The following RIMBP2 variants were observed in gnomAD, a reference collection of about 807,000 sequenced individuals.
RIMBP2 encodes the protein RIMS binding protein 2, also known as RIMS-binding protein 2.
Under a neutral mutation model 118.6 loss-of-function variants are expected in RIMBP2, and 48 were observed. The ratio of observed to expected loss-of-function variants is 0.40; its 90% CI spans 0.32 to 0.51. The LOEUF (loss-of-function observed/expected upper bound fraction) is 0.51, where lower values mean the gene tolerates loss of function less well. Ranked by LOEUF, RIMBP2 falls within the 20% of genes least tolerant of loss-of-function variation. The pLI is 0.41. For synonymous variants in RIMBP2, 762 were observed against 742.9 expected (o/e 1.03, Z -0.42); for missense variants, 1,551 against 1,768.3 (o/e 0.88, Z 2.20).
intron 1 of RIMBP2, among the ~76,000 whole-genome samples, chr12:130,686,074 C>T (rs1280429699): frequency 6.6e-6 from 1 of 152,182 alleles, no homozygotes. Flanking sequence ...CACCGCCCGG[C>T]ACCTGCTCTT....
At position 130,414,268 on chromosome 12, in the gene RIMBP2, C is replaced by T; in HGVS notation, c.3277G>A (p.Glu1093Lys). Residue 1093 changes from glutamate to lysine, a missense_variant, in exon 18 of 23, where the codon GAA (glutamate) becomes AAA (lysine). Glu to Lys is a moderately conservative substitution (Grantham distance 56). Around this residue, in one of 5 missense-constraint regions of RIMBP2, gnomAD observed 1,038 missense variants for 1,125.1 expected, o/e 0.92. Coordinates refer to ENST00000690449, the MANE Select transcript of RIMBP2 (RefSeq NM_001393629.1). ...GCACCAGGGTCAGTTTCTGACTCTT[C>T]ATAGAAGTCTGGAGAAAGGCGGTCT... Reference protein sequence around the residue: ...GRDRLSPDFYEESETDPGAEE... With the variant: ...GRDRLSPDFYKESETDPGAEE... 6.2e-7 allele frequency: 1 copy of T among 1,609,688 alleles called. No homozygotes were observed. The highest frequency in any genetic ancestry group is 8.5e-7 in the Non-Finnish European group (1 of 1,177,272).
At chr12:130,518,073 C>CT (rs144542531) in intron 2 of RIMBP2, among the ~76,000 whole-genome samples, 156 bp from the exon 3 acceptor site, 4 of 152,194 alleles carry the variant, frequency 2.6e-5, no homozygotes, top group Non-Finnish European at 5.9e-5. Flanking sequence ...TGATTTCTCT[C>CT]TTTTTTCCAA....
chr12:130,546,023 G>A (rs1000077564), intron 2 of RIMBP2, among the ~76,000 whole-genome samples: 5 of 151,614 alleles, frequency 3.3e-5, no homozygotes, highest in South Asian at 2.1e-4. Context: ...GGGTTTTAGC[G>A]TGACATATGC....
At chr12:130,554,701 G>A (rs1484840145) in intron 2 of RIMBP2, among the ~76,000 whole-genome samples, 3 of 152,172 alleles carry the variant, frequency 2.0e-5, no homozygotes, top group Admixed American at 6.5e-5. Flanking sequence ...TGCAGTGGGT[G>A]TCATCATTAT....
Position 130,442,176 on chromosome 12 carries a change from G to T in RIMBP2, c.1176C>A (p.Gly392=). ...GCGTGCACTGCAGCTCATCCGAGCT[G>T]CCCCTGCTGGTGACGCACTGCACGG... ...RISVQCVTSR[G]SSDELQCTLL... is the part of the protein sequence containing the mutation. The change falls in exon 11 of 23, where the codon GGC becomes GGA. Residue 392 remains glycine (G), a synonymous_variant. Coordinates refer to ENST00000690449, the MANE Select transcript of RIMBP2 (RefSeq NM_001393629.1). This position sits in a 1 kb window ranked among gnomAD's most constrained non-coding sequence, Gnocchi z 6.9. 6.2e-7 allele frequency: 1 copy of T among 1,614,186 alleles called. No individual in the cohort carries two copies. Among genetic ancestry groups the T allele is most frequent in the South Asian group, 1.1e-5 (1 of 91,082 alleles).
At chr12:130,490,007 C>T (rs1243212907) in intron 4 of RIMBP2, among the ~76,000 whole-genome samples, 1 of 151,818 alleles carries the variant, frequency 6.6e-6, no homozygotes, top group East Asian at 1.9e-4. Flanking sequence ...ACCTGTAGTT[C>T]CAGCTATTCG....
In RIMBP2 at chr12:130,412,679, TCTC is replaced by T. The variant is rs1428925568; in HGVS notation, c.3526_3528del (p.Glu1176del). The T allele has an allele frequency of 1.2e-6, 2 of 1,613,794 alleles. No individual in the cohort carries two copies. Among genetic ancestry groups the T allele is most frequent in the Non-Finnish European group, 1.7e-6 (2 of 1,179,972 alleles). ...CCCTGTCTAAGAAGCTGATCCATCA[TCTC>T]CTCATCATCTGCTTGTATCTCAGAG... On this transcript the variant is annotated inframe_deletion, in exon 19 of 23. Coordinates refer to ENST00000690449, the MANE Select transcript of RIMBP2 (RefSeq NM_001393629.1).
intron 2 of RIMBP2, among the ~76,000 whole-genome samples, chr12:130,573,972 C>G (rs923569342): frequency 6.6e-6 from 1 of 151,616 alleles, no homozygotes; most frequent in Non-Finnish European, 1.5e-5. Flanking sequence ...CCAATTCTGA[C>G]GGGAAGGAAA....
intron 15 of RIMBP2, chr12:130,427,887 T>G: frequency 3.4e-6 from 1 of 294,168 alleles, no homozygotes; most frequent in Non-Finnish European, 6.2e-6. Context: ...GGGTTCTTCT[T>G]TGTTCTATTC....
chr12:130,522,339 G>T (rs950212028), intron 2 of RIMBP2, among the ~76,000 whole-genome samples: 2 of 152,172 alleles, frequency 1.3e-5, no homozygotes, highest in Non-Finnish European at 2.9e-5. Context: ...AGTGGACAGG[G>T]CCAGAGGTGC....
chr12:130,423,543 C>G (rs1246616041), intron 16 of RIMBP2, among the ~76,000 whole-genome samples: 1 of 151,358 alleles, frequency 6.6e-6, no homozygotes, highest in South Asian at 2.1e-4. Context: ...AAACCAACAA[C>G]AAGCCCAGAC....
chr12:130,589,984 G>C (rs1445296637), intron 2 of RIMBP2, among the ~76,000 whole-genome samples: 1 of 152,158 alleles, frequency 6.6e-6, no homozygotes, highest in Non-Finnish European at 1.5e-5. Flanking sequence ...TGCAGATGTG[G>C]TTAGAAACTG....
chr12:130,550,181 C>T (rs2055606561), intron 2 of RIMBP2, among the ~76,000 whole-genome samples: 1 of 152,096 alleles, frequency 6.6e-6, no homozygotes, highest in South Asian at 2.1e-4. Context: ...CGTGTTTGTC[C>T]TGGGAGAAGG....
At chr12:130,570,615 T>C (rs1368646493) in intron 2 of RIMBP2, among the ~76,000 whole-genome samples, 5 of 152,120 alleles carry the variant, frequency 3.3e-5, no homozygotes, top group Non-Finnish European at 7.4e-5. Flanking sequence ...TGTGTGGCTG[T>C]GGACGAGTCG....
At chr12:130,614,306 C>T (rs1303306966) in intron 2 of RIMBP2, among the ~76,000 whole-genome samples, 1 of 152,196 alleles carries the variant, frequency 6.6e-6, no homozygotes, top group Admixed American at 6.5e-5. Flanking sequence ...TGATTAATTA[C>T]CAACCTTGTG....
At position 130,397,236 on chromosome 12, in the gene RIMBP2, T is replaced by C. The variant is rs2074133267; in HGVS notation, c.*125A>G. The stretch of plus-strand genomic sequence containing the variant: ...TTTAAAGTGGTTGGTAGTGCAAAAG[T>C]GCATTTCTCTACTGGTGTCAGGGGA... On this transcript the variant is annotated 3_prime_UTR_variant, in exon 23 of 23. Transcript: ENST00000690449. 2.5e-6 allele frequency: 1 copy of C among 392,716 alleles called. No individual in the cohort carries two copies. The highest frequency in any genetic ancestry group is 3.6e-5 in the East Asian group (1 of 27,792). 24.3% of individuals were successfully genotyped at this position (392,716 alleles called of 1,614,324 possible). A position where few individuals can be genotyped will look rare whatever the true frequency, so the allele number is the denominator to read the frequency against.
At position 130,610,240 on chromosome 12, in the gene RIMBP2, C is replaced by T. The variant is rs534918100; in HGVS notation, c.-217+18082G>A. On this transcript the variant is annotated intron_variant, in intron 2 of 22. Coordinates refer to ENST00000690449, the MANE Select transcript of RIMBP2 (RefSeq NM_001393629.1). ...TCCCGTTCTGGGGGAAAATGGGAAG[C>T]CTGCTCCTCCCGGTCCCTCCCGTTC... Among the ~76,000 whole-genome samples, 8 of 151,702 alleles carry T rather than the reference C, an allele frequency of 5.3e-5. No homozygotes were observed. In the East Asian group the frequency reaches 9.8e-4, roughly 19 times the overall value.
chr12:130,695,287 C>T (rs565754028), intron 1 of RIMBP2, among the ~76,000 whole-genome samples: 5 of 152,232 alleles, frequency 3.3e-5, no homozygotes, highest in South Asian at 2.1e-4. Flanking sequence ...AGCTCCCACG[C>T]GAGCCAGGAG....
intron 2 of RIMBP2, among the ~76,000 whole-genome samples, chr12:130,526,867 A>T (rs1231649233): frequency 6.6e-6 from 1 of 152,148 alleles, no homozygotes; most frequent in African/African-American, 2.4e-5. Context: ...AGGCTTCATA[A>T]GTGGTTCTAG....
Sources: gnomAD v4.1 joint callset for allele counts (sites outside exome capture counted in the v4.1 genomes callset) on GRCh38, gnomAD v4.1.1 for gene constraint, gnomAD v4.1.1 regional missense constraint, Gnocchi (gnomAD v3.1) non-coding constraint, MANE v1.5 for transcripts, NCBI Gene and HGNC (gene_info 2026-07-23, HGNC 2026-07-21) for gene names.